Variants in CDH12 observed in about 807,000 individuals in gnomAD.
CDH12 encodes the protein cadherin-12.
Under a neutral mutation model 74.1 loss-of-function variants are expected in CDH12, and 41 were observed. That is an observed-to-expected ratio of 0.55 (90% CI 0.43 to 0.72). The LOEUF (loss-of-function observed/expected upper bound fraction) is 0.72. Among genes scored for constraint, CDH12 ranks in the 30% least tolerant of loss-of-function variants. The pLI is 0.00. For synonymous variants in CDH12, 399 were observed against 355.0 expected, an observed-to-expected ratio of 1.12 and a Z score of -1.39; for missense variants, 945 against 977.2, an observed-to-expected ratio of 0.97 and a Z score of 0.44.
intron 8 of CDH12, among the ~76,000 whole-genome samples, chr5:21,817,750 T>A (rs555688552): frequency 1.3e-5 from 2 of 152,102 alleles, no homozygotes; most frequent in African/African-American, 4.8e-5. Flanking sequence ...ACTTGTCACC[T>A]TTCTATATAC....
intron 4 of CDH12, among the ~76,000 whole-genome samples, chr5:22,129,490 G>A (rs1381359762): frequency 6.6e-6 from 1 of 152,146 alleles, no homozygotes; most frequent in Non-Finnish European, 1.5e-5. Flanking sequence ...TGGGCAAAAT[G>A]ATCTTAGTGG....
At chr5:22,511,075 A>C (rs958310544) in intron 1 of CDH12, among the ~76,000 whole-genome samples, 1 of 151,932 alleles carries the variant, frequency 6.6e-6, no homozygotes, top group African/African-American at 2.4e-5. Context: ...TTGTATTTTT[A>C]GTACAGACAG....
intron 5 of CDH12, among the ~76,000 whole-genome samples, chr5:22,027,918 T>G (rs1424437983): frequency 6.6e-6 from 1 of 152,184 alleles, no homozygotes; most frequent in Non-Finnish European, 1.5e-5. Context: ...GGGTGTCAAT[T>G]TTGGATCCTT....
chr5:22,782,971 G>A (rs1468170188), intron 1 of CDH12, among the ~76,000 whole-genome samples: 2 of 151,912 alleles, frequency 1.3e-5, no homozygotes, highest in Admixed American at 6.6e-5. Flanking sequence ...TATTATATCT[G>A]GATCTCCTCA....
At chr5:22,032,647 G>A (rs1738894457) in intron 5 of CDH12, among the ~76,000 whole-genome samples, 1 of 150,976 alleles carries the variant, frequency 6.6e-6, no homozygotes, top group Non-Finnish European at 1.5e-5. Context: ...GGTGCAGGTT[G>A]CAGTGAGCCG....
chr5:22,138,930 C>G (rs1432747799), intron 4 of CDH12, among the ~76,000 whole-genome samples: 1 of 139,796 alleles, frequency 7.2e-6, no homozygotes, highest in Non-Finnish European at 1.5e-5. Flanking sequence ...GAAACAATGT[C>G]AATTGCAAAC....
At chr5:22,581,975 GA>G (rs1232221902) in intron 1 of CDH12, among the ~76,000 whole-genome samples, 1 of 152,034 alleles carries the variant, frequency 6.6e-6, no homozygotes, top group East Asian at 1.9e-4. Context: ...TAATCTTTCT[GA>G]GAACATTGTA....
intron 1 of CDH12, among the ~76,000 whole-genome samples, chr5:22,562,712 T>G (rs1025756341): frequency 1.3e-5 from 2 of 151,516 alleles, no homozygotes; most frequent in African/African-American, 4.8e-5. Context: ...GAATATCTAA[T>G]GAAAGAATAC....
chr5:22,325,484 A>G (rs897655501), intron 3 of CDH12, among the ~76,000 whole-genome samples: 2 of 152,098 alleles, frequency 1.3e-5, no homozygotes, highest in Non-Finnish European at 2.9e-5. Flanking sequence ...CATTAACTAT[A>G]CAAAACAAAT....
intron 3 of CDH12, among the ~76,000 whole-genome samples, chr5:22,229,701 ACCT>A (rs1752318545): frequency 6.6e-6 from 1 of 152,034 alleles, no homozygotes; most frequent in African/African-American, 2.4e-5. Context: ...ACTTTGATTT[ACCT>A]CAAATTTCAT....
chr5:22,315,390 T>G (rs1738589123), intron 3 of CDH12, among the ~76,000 whole-genome samples: 1 of 152,054 alleles, frequency 6.6e-6, no homozygotes, highest in African/African-American at 2.4e-5. Flanking sequence ...GAGTTTATTT[T>G]TATATGAAGG....
At chr5:22,016,056 A>G (rs1737586374) in intron 5 of CDH12, among the ~76,000 whole-genome samples, 1 of 152,150 alleles carries the variant, frequency 6.6e-6, no homozygotes, top group South Asian at 2.1e-4. Flanking sequence ...TTGATTTTCT[A>G]TTAAGATATG....
At chr5:21,793,341 G>A (rs1460947721) in intron 10 of CDH12, among the ~76,000 whole-genome samples, 1 of 151,490 alleles carries the variant, frequency 6.6e-6, no homozygotes, top group Admixed American at 6.6e-5. Context: ...AGTATGAAGA[G>A]TTCCTTACTG....
In CDH12 at chr5:21,781,964, C is replaced by G. The variant is rs184319466; in HGVS notation, c.1393+1394G>C. Among the ~76,000 whole-genome samples, 47 of 152,210 alleles carry G rather than the reference C, an allele frequency of 3.1e-4. 1 individual carries two copies. In the East Asian group the frequency reaches 8.7e-3, roughly 28 times the overall value. On this transcript the variant is annotated intron_variant, in intron 11 of 14. Coordinates refer to ENST00000382254, the MANE Select transcript of CDH12 (RefSeq NM_004061.5). ...AATGTGAAATATTGTAAAATTGTGA[C>G]AAATAATTTTTCATATTTATTACAA...
At position 21,802,176 on chromosome 5, in the gene CDH12, C is replaced by A. The variant is rs901107399; in HGVS notation, c.1247G>T (p.Ser416Ile). ...TGTTTCTTTTTCTCACCTAACAGCA[C>A]TGCTGCCTACATCCAGGTCTTGAGC... ...VTAQDLDVGS[S>I]AVRYFIDWKS... Residue 416 changes from serine to isoleucine, a missense_variant, in exon 10 of 15, where the codon AGT (serine) becomes ATT (isoleucine). By Grantham distance (142) the Ser-to-Ile change is moderately radical. Around this residue, in one of 3 missense-constraint regions of CDH12, gnomAD observed 791 missense variants for 792.8 expected, o/e 1.00. Transcript: ENST00000382254. 2 of 1,613,594 alleles carry A rather than the reference C, an allele frequency of 1.2e-6. No individual in the cohort carries two copies. The highest frequency in any genetic ancestry group is 8.5e-7 in the Non-Finnish European group (1 of 1,179,742).
At chr5:21,864,096 T>C (rs1395694200) in intron 6 of CDH12, among the ~76,000 whole-genome samples, 1 of 151,856 alleles carries the variant, frequency 6.6e-6, no homozygotes, top group Admixed American at 6.6e-5. Flanking sequence ...AAAAAAGGCA[T>C]TATGCAGCAG....
chr5:22,595,173 T>C (rs1336126877), intron 1 of CDH12, among the ~76,000 whole-genome samples: 1 of 152,200 alleles, frequency 6.6e-6, no homozygotes, highest in African/African-American at 2.4e-5. Flanking sequence ...TTATACACTA[T>C]ATTTTATATG....
chr5:21,853,014 CCTT>C (rs1750553990), intron 7 of CDH12, among the ~76,000 whole-genome samples: 1 of 151,436 alleles, frequency 6.6e-6, no homozygotes, highest in Admixed American at 6.6e-5. Flanking sequence ...ATTGTCCAGG[CCTT>C]CTTAATTCCT....
intron 1 of CDH12, among the ~76,000 whole-genome samples, chr5:22,636,411 T>G (rs1483836134): frequency 6.6e-6 from 1 of 152,174 alleles, no homozygotes; most frequent in African/African-American, 2.4e-5. Flanking sequence ...ATGTGGAAAC[T>G]ACCCAAATGT....
Sources: allele counts gnomAD v4.1 joint callset (sites outside exome capture counted in the v4.1 genomes callset), GRCh38; gene constraint gnomAD v4.1.1; regional missense constraint gnomAD v4.1.1; transcripts MANE v1.5; gene names NCBI Gene and HGNC (gene_info 2026-07-23, HGNC 2026-07-21).